TSPYL2: variants seen among roughly 807,000 people sequenced by gnomAD.
TSPYL2 encodes the protein testis-specific Y-encoded-like protein 2.
In TSPYL2, 9 loss-of-function variants were observed where a neutral mutation model predicts 33.0. That is an observed-to-expected ratio of 0.27 (90% CI 0.16 to 0.48). The LOEUF is 0.48. Among genes scored for constraint, TSPYL2 ranks in the 20% least tolerant of loss-of-function variants. The pLI, the probability that TSPYL2 is intolerant of heterozygous loss-of-function variation, is 0.99. For synonymous variants in TSPYL2, 330 were observed against 233.6 expected (o/e 1.41, Z -3.77); for missense variants, 636 against 586.2 (o/e 1.08, Z -0.88).
Position 53,084,838 on chromosome X carries a change from T to C in TSPYL2, c.969T>C (p.Ile323=). ...QTNPYFTNMV[I]VKEFQRNRSG... ...ACCCCTACTTCACAAACATGGTGATTGTCAAGGAGTTCCAGCGCAACCGCT... is the reference window on the plus strand; with the variant it reads ...ACCCCTACTTCACAAACATGGTGATCGTCAAGGAGTTCCAGCGCAACCGCT... Residue 323 remains isoleucine (I), a synonymous_variant, in exon 3 of 7, where the codon ATT becomes ATC. Coordinates refer to ENST00000375442, the MANE Select transcript of TSPYL2 (RefSeq NM_022117.4). 8.3e-7 allele frequency: 1 copy of C among 1,211,330 alleles called. No homozygotes were observed. Among genetic ancestry groups the C allele is most frequent in the Non-Finnish European group, 1.1e-6 (1 of 895,208 alleles).
chrX:53,085,294 A>C lies in TSPYL2; in HGVS notation c.1211A>C (p.Lys404Thr). Residue 404 changes from lysine (K) to threonine (T), a missense_variant, in exon 5 of 7, where the codon AAG becomes ACG. Lys to Thr is a moderately conservative substitution (Grantham distance 78). Transcript: ENST00000375442. ...CTGAGAGAAAGGGGCTCCAGGATAA[A>C]GAGAAAGAAGCAAGAAATGAAGAAA... ...YYLRERGSRI[K>T]RKKQEMKKRK... 4 of 1,208,760 alleles carry C rather than the reference A, an allele frequency of 3.3e-6. No individual in the cohort carries two copies. Among genetic ancestry groups the C allele is most frequent in the Non-Finnish European group, 4.5e-6 (4 of 894,154 alleles).
Position 53,085,839 on chromosome X carries a change from G to T in TSPYL2, c.1447G>T (p.Asp483Tyr). The change falls in exon 6 of 7, where the codon GAC becomes TAC. Residue 483 changes from aspartate to tyrosine, a missense_variant. Asp to Tyr is a radical substitution (Grantham distance 160). This residue lies in a region of TSPYL2 where 401 missense variants were observed against 363.0 expected (regional missense o/e 1.10). Coordinates refer to ENST00000375442, the MANE Select transcript of TSPYL2 (RefSeq NM_022117.4). ...GAACATCTGCGACAGCGAGAATCCT[G>T]ACCACAATGAGGTCCCCAACAACGA... ...NENICDSENP[D>Y]HNEVPNNETT... The T allele has an allele frequency of 2.5e-6, 3 of 1,211,474 alleles. No individual in the cohort carries two copies. The highest frequency in any genetic ancestry group is 3.4e-6 in the Non-Finnish European group (3 of 895,469).
Position 53,082,596 on chromosome X carries a change from C to CGCT in TSPYL2, c.99_101dup (p.Leu35dup). 8 of 1,152,028 alleles carry CGCT rather than the reference C, an allele frequency of 6.9e-6. No individual in the cohort carries two copies. The South Asian group carries it at 1.2e-4, about 17-fold the overall frequency. 94.9% of individuals were successfully genotyped at this position (1,152,028 alleles called of 1,213,427 possible). A position where few individuals can be genotyped will look rare whatever the true frequency, so the allele number is the denominator to read the frequency against. On this transcript the variant is annotated inframe_insertion, in exon 1 of 7. Transcript: ENST00000375442. ...CCGCCCCCGCCGCCGCCGCCGCCGCCGCTCCTCCGACTGCCGCTGCCTCCA... is the reference window on the plus strand; with the variant it reads ...CCGCCCCCGCCGCCGCCGCCGCCGCCGCTGCTCCTCCGACTGCCGCTGCCTCCA...
In TSPYL2 at chrX:53,085,210, C is replaced by T. The variant is rs782024692; in HGVS notation, c.1144-17C>T. ...TGTACTAATGGCTGTCTTATTCCTT[C>T]TCCCCTTTTTCAACAGATTATCAAG... On this transcript the variant is annotated splice_polypyrimidine_tract_variant and intron_variant, in intron 4 of 6. Transcript: ENST00000375442. 111 of 1,193,824 alleles carry T rather than the reference C, an allele frequency of 9.3e-5. No homozygotes were observed. Among genetic ancestry groups the T allele is most frequent in the Non-Finnish European group, 1.3e-4 (111 of 885,487 alleles).
At position 53,084,966 on chromosome X, in the gene TSPYL2, C is replaced by T. The variant is rs1293666952; in HGVS notation, c.1010C>T (p.Ser337Phe). 8.3e-7 allele frequency: 1 copy of T among 1,210,681 alleles called. No individual in the cohort carries two copies. The highest frequency in any genetic ancestry group is 1.1e-6 in the Non-Finnish European group (1 of 894,731). The change falls in exon 4 of 7, where the codon TCT (serine) becomes TTT (phenylalanine). Residue 337 changes from serine to phenylalanine, a missense_variant. This residue lies in a region of TSPYL2 where 401 missense variants were observed against 363.0 expected (regional missense o/e 1.10). Coordinates refer to ENST00000375442, the MANE Select transcript of TSPYL2 (RefSeq NM_022117.4). ...FQRNRSGRLV[S>F]HSTPIRWHRG... ...TCTCTCTCCCTAGGCCGGCTGGTGT[C>T]TCACTCAACCCCAATCCGCTGGCAC... is the stretch of plus-strand genomic sequence containing the variant.
rs1932759946 is a variant in TSPYL2 at position 53,086,131 on chromosome X, A to G, written c.1739A>G (p.Asp580Gly). 8.4e-7 allele frequency: 1 copy of G among 1,191,615 alleles called. No individual in the cohort carries two copies. Among genetic ancestry groups the G allele is most frequent in the Admixed American group, 2.4e-5 (1 of 42,410 alleles). ...GAAGATAATGATGGCAACGAAGGTG[A>G]CAATGAGGGCAGTGATGATGATGGC... is the stretch of plus-strand genomic sequence containing the variant. ...DDEDNDGNEG[D>G]NEGSDDDGNE... The change falls in exon 6 of 7, where the codon GAC becomes GGC. Residue 580 changes from aspartate to glycine, a missense_variant. By Grantham distance (94) the Asp-to-Gly change is moderately conservative (BLOSUM62 -1). This residue lies in a region of TSPYL2 where 401 missense variants were observed against 363.0 expected (regional missense o/e 1.10). Coordinates refer to ENST00000375442, the MANE Select transcript of TSPYL2 (RefSeq NM_022117.4).
At position 53,086,186 on chromosome X, in the gene TSPYL2, TGAC is replaced by T. The variant is rs782227103; in HGVS notation, c.1798_1800del (p.Asp600del). 8.1e-5 allele frequency: 98 copies of T among 1,208,654 alleles called. No homozygotes were observed. The highest frequency in any genetic ancestry group is 1.1e-4 in the South Asian group (6 of 56,437). ...AAGGTGACAATGAAGGCAGCGATGA[TGAC>T]GACAGAGACATTGAGTACTATGAGA... On this transcript the variant is annotated inframe_deletion, in exon 6 of 7. Coordinates refer to ENST00000375442, the MANE Select transcript of TSPYL2 (RefSeq NM_022117.4).
Position 53,087,860 on chromosome X carries a change from C to G in TSPYL2, c.2003C>G (p.Ser668Trp), listed in dbSNP as rs781811512. The G allele has an allele frequency of 1.7e-6, 2 of 1,210,079 alleles. No individual in the cohort carries two copies. Among genetic ancestry groups the G allele is most frequent in the Non-Finnish European group, 2.2e-6 (2 of 894,958 alleles). The change falls in exon 7 of 7, where the codon TCG (serine) becomes TGG (tryptophan). Residue 668 changes from serine to tryptophan, a missense_variant. By Grantham distance (177) the Ser-to-Trp change is radical (BLOSUM62 -3). Transcript: ENST00000375442. ...GATGTCTGGGAAGAAGGGGAAGATT[C>G]GGACGACTCTGACCTAGAGGATGTG... ...SEDVWEEGED[S>W]DDSDLEDVLQ...
chrX:53,087,744 C>A, intron 6 of TSPYL2, 32 bp from the exon 7 acceptor site: 7 of 1,184,453 alleles, frequency 5.9e-6, no homozygotes, highest in Non-Finnish European at 8.0e-6. Context: ...TGCCTTCCTC[C>A]ATTTCCCCTT....
chrX:53,087,940 G>A lies in TSPYL2; in HGVS notation c.*1G>A. The stretch of plus-strand genomic sequence containing the variant: ...GGGGAAGAGGGGGAAAACCGGATAA[G>A]GGTTTTCCCCTTTTGGGGATCACCT... On this transcript the variant is annotated 3_prime_UTR_variant, in exon 7 of 7. Transcript: ENST00000375442. The A allele has an allele frequency of 8.3e-7, 1 of 1,209,988 alleles. No homozygotes were observed. The highest frequency in any genetic ancestry group is 1.8e-5 in the South Asian group (1 of 56,927).
intron 6 of TSPYL2, 53 bp from the exon 7 acceptor site, chrX:53,087,723 G>T: frequency 8.7e-7 from 1 of 1,144,195 alleles, no homozygotes; most frequent in Non-Finnish European, 1.2e-6. Flanking sequence ...ACACCTATCT[G>T]CTCATCTAAC....
intron 6 of TSPYL2, 160 bp from the exon 7 acceptor site, chrX:53,087,616 A>G (rs1932785722): frequency 4.0e-6 from 2 of 500,464 alleles, no homozygotes; most frequent in Middle Eastern, 5.8e-4. Context: ...GAGTACACCC[A>G]CACACACTCT....
chrX:53,083,358 A>T, intron 1 of TSPYL2, 53 bp downstream of exon 1: 1 of 1,028,164 alleles, frequency 9.7e-7, no homozygotes, highest in Non-Finnish European at 1.4e-6. Context: ...AGGAAAGGGG[A>T]AGGTGGGGGA....
In TSPYL2 at chrX:53,088,309, T is replaced by C. The variant is rs1282797650; in HGVS notation, c.*370T>C. ...ACCCCCGAAGCGGGGAGGGCCGCTG[T>C]GGCCTTCGTCACAGCCGCGCAGTGC... is the stretch of plus-strand genomic sequence containing the variant. On this transcript the variant is annotated 3_prime_UTR_variant, in exon 7 of 7. Coordinates refer to ENST00000375442, the MANE Select transcript of TSPYL2 (RefSeq NM_022117.4). 6.0e-6 allele frequency: 1 copy of C among 167,085 alleles called. No individual in the cohort carries two copies. Among genetic ancestry groups the C allele is most frequent in the Non-Finnish European group, 1.1e-5 (1 of 87,422 alleles). The allele number at this position is 167,085 out of a possible 1,213,427, so 13.8% of individuals were successfully genotyped here.
At position 53,088,025 on chromosome X, in the gene TSPYL2, C is replaced by A; in HGVS notation, c.*86C>A. ...CCTCCTCAGCTAGGGCCACGCGGCC[C>A]CACATTGCACTTCTGGGGGGTGACC... On this transcript the variant is annotated 3_prime_UTR_variant, in exon 7 of 7. Transcript: ENST00000375442. 1 of 942,932 alleles carries A rather than the reference C, an allele frequency of 1.1e-6. No homozygotes were observed. Among genetic ancestry groups the A allele is most frequent in the Admixed American group, 2.7e-5 (1 of 37,363 alleles). The allele number at this position is 942,932 out of a possible 1,213,427, so 77.7% of individuals were successfully genotyped here.
rs781906316 is a variant in TSPYL2, at chrX:53,083,079, GGAGGAAGCA to G, written c.589_597del (p.Gln197_Lys199del). The G allele has an allele frequency of 7.5e-6, 9 of 1,204,574 alleles. No homozygotes were observed. In the South Asian group the frequency reaches 1.6e-4, roughly 21 times the overall value. On this transcript the variant is annotated inframe_deletion, in exon 1 of 7. Coordinates refer to ENST00000375442, the MANE Select transcript of TSPYL2 (RefSeq NM_022117.4). Reference sequence around the variant, plus strand: ...AGCAGGAGGCGGCGGCGGCGGCGGAGGAGGAAGCAGAGGAAGGTGAAGAGGGAAAGCAGA... The same window carrying G: ...AGCAGGAGGCGGCGGCGGCGGCGGAGGAGGAAGGTGAAGAGGGAAAGCAGA...
intron 6 of TSPYL2, chrX:53,087,548 G>C (rs111433517): frequency 0.16 from 65,982 of 405,499 alleles, 4,056 homozygotes; most frequent in South Asian, 0.21. Context: ...ACAGAGGCAG[G>C]GATCCCACAC....
rs782230638 is a variant in TSPYL2 at position 53,087,407 on chromosome X, CT to C, written c.1919-368del. The stretch of plus-strand genomic sequence containing the variant: ...CAAACTAGGGCCTCTTTGGATCAGA[CT>C]GGGGGAGAAAGCGAGGAAGCTGCCT... On this transcript the variant is annotated intron_variant, in intron 6 of 6. Coordinates refer to ENST00000375442, the MANE Select transcript of TSPYL2 (RefSeq NM_022117.4). The C allele has an allele frequency of 5.4e-5, 8 of 147,168 alleles. No individual in the cohort carries two copies. The South Asian group carries it at 1.7e-3, about 31-fold the overall frequency. 12.1% of individuals were successfully genotyped at this position (147,168 alleles called of 1,213,427 possible).
rs782523352 is a variant in TSPYL2 at position 53,084,639 on chromosome X, A to AT, written c.885+23dup. 3 of 1,201,114 alleles carry AT rather than the reference A, an allele frequency of 2.5e-6. No homozygotes were observed. The highest frequency in any genetic ancestry group is 3.6e-5 in the African/African-American group (2 of 56,096). ...AATCTGCAGGTCAGGCCAGAGAGAC[A>AT]TTTTTTAGTAGGATCGGGCACGAAT... On this transcript the variant is annotated intron_variant, in intron 2 of 6. Coordinates refer to ENST00000375442, the MANE Select transcript of TSPYL2 (RefSeq NM_022117.4).
Sources: allele counts gnomAD v4.1 joint callset, GRCh38; gene constraint gnomAD v4.1.1; regional missense constraint gnomAD v4.1.1; transcripts MANE v1.5; gene names NCBI Gene and HGNC (gene_info 2026-07-23, HGNC 2026-07-21).